The following LRRK1 variants were observed in gnomAD, a reference collection of about 807,000 sequenced individuals.
LRRK1 encodes the protein leucine-rich repeat serine/threonine-protein kinase 1.
LRRK1 carries 113 observed loss-of-function variants against 209.1 expected under a neutral mutation model. That is an observed-to-expected ratio of 0.54 (90% CI 0.46 to 0.63). LRRK1 has a LOEUF of 0.63. LRRK1 is among the 30% of genes least tolerant of loss of function. The pLI is 0.00. For synonymous variants in LRRK1, 1,144 were observed against 1,099.7 expected (o/e 1.04, Z -0.80); for missense variants, 2,284 against 2,632.2 (o/e 0.87, Z 2.89).
intron 4 of LRRK1, among the ~76,000 whole-genome samples, chr15:100,986,376 TAG>T (rs752709250): frequency 3.3e-5 from 5 of 152,208 alleles, no homozygotes; most frequent in Non-Finnish European, 5.9e-5. Context: ...CCTTAGGCTG[TAG>T]AGAGTACCTG....
intron 6 of LRRK1, among the ~76,000 whole-genome samples, chr15:100,997,594 T>C (rs922813831): frequency 1.3e-5 from 2 of 152,170 alleles, no homozygotes; most frequent in African/African-American, 4.8e-5. Context: ...CACACACCTA[T>C]TAAACTAGCA....
At chr15:101,039,002 G>A (rs1055560076) in intron 20 of LRRK1, among the ~76,000 whole-genome samples, 5 of 152,142 alleles carry the variant, frequency 3.3e-5, no homozygotes, top group Admixed American at 3.3e-4. Context: ...AACAATCACA[G>A]TTCTAGGGTT....
At position 101,027,812 on chromosome 15, in the gene LRRK1, G is replaced by T; in HGVS notation, c.2686+15G>T. On this transcript the variant is annotated intron_variant, in intron 19 of 33. Transcript: ENST00000388948. The surrounding 1 kb of genome is among the most constrained non-coding windows in gnomAD (Gnocchi z 5.1). ...CCTGCAGTCAGGTGGGTGGGGCTGG[G>T]GTAGGTGGCAGGGTGCCCGTGAGAA... is the stretch of plus-strand genomic sequence containing the variant. 6.4e-7 allele frequency: 1 copy of T among 1,558,754 alleles called. No homozygotes were observed. The highest frequency in any genetic ancestry group is 8.7e-7 in the Non-Finnish European group (1 of 1,149,722).
At chr15:100,981,388 C>T (rs2031589942) in intron 3 of LRRK1, among the ~76,000 whole-genome samples, 1 of 152,206 alleles carries the variant, frequency 6.6e-6, no homozygotes, top group African/African-American at 2.4e-5. Context: ...TACTGGGCCT[C>T]ACCCTGGGCA....
intron 2 of LRRK1, among the ~76,000 whole-genome samples, chr15:100,960,355 G>A (rs2029874640): frequency 6.8e-6 from 1 of 146,252 alleles, no homozygotes; most frequent in African/African-American, 2.6e-5. Flanking sequence ...GAAGCAACGT[G>A]GCAATGTCAA....
chr15:101,018,447 T>C (rs1029365457), intron 12 of LRRK1, among the ~76,000 whole-genome samples: 1 of 152,116 alleles, frequency 6.6e-6, no homozygotes, highest in African/African-American at 2.4e-5. Context: ...GGCGGGATGA[T>C]GGGTATGAGA....
At chr15:101,051,197 C>T (rs2035412339) in intron 23 of LRRK1, among the ~76,000 whole-genome samples, 1 of 152,250 alleles carries the variant, frequency 6.6e-6, no homozygotes. Context: ...GAGGGTGTTT[C>T]TCTGCACCTC....
Position 100,924,689 on chromosome 15 carries a change from G to T in LRRK1, c.57G>T (p.Glu19Asp). The T allele has an allele frequency of 6.2e-7, 1 of 1,614,192 alleles. No homozygotes were observed. The highest frequency in any genetic ancestry group is 1.7e-4 in the Middle Eastern group (1 of 6,060). ...PSMYWCVGPE[E>D]SAVCPERAME... ...TGTACTGGTGTGTGGGGCCGGAGGA[G>T]TCAGCTGTGTGTCCAGAACGTGCCA... The change falls in exon 2 of 34, where the codon GAG becomes GAT. Residue 19 changes from glutamate to aspartate, a missense_variant. Physicochemically the swap from Glu to Asp is conservative, Grantham distance 45 (BLOSUM62 2). Transcript: ENST00000388948.
intron 19 of LRRK1, 119 bp from the exon 20 acceptor site, chr15:101,028,837 A>G: frequency 1.9e-6 from 2 of 1,071,582 alleles, no homozygotes; most frequent in South Asian, 1.5e-5. Flanking sequence ...CATGTGGGAC[A>G]TGTTGGTTTC....
chr15:101,002,506 A>G (rs1274332231), intron 6 of LRRK1, among the ~76,000 whole-genome samples: 2 of 152,230 alleles, frequency 1.3e-5, no homozygotes, highest in Admixed American at 1.3e-4. Flanking sequence ...GGGTGGGTGG[A>G]GCTTAACCAC....
intron 2 of LRRK1, among the ~76,000 whole-genome samples, chr15:100,934,695 G>A (rs1247800005): frequency 6.6e-6 from 1 of 150,752 alleles, no homozygotes; most frequent in Admixed American, 6.6e-5. Context: ...CCAGCTACTT[G>A]GGGGTGCTGA....
Position 101,008,908 on chromosome 15 carries a change from C to A in LRRK1, c.834C>A (p.Cys278Ter). Reference protein sequence around the residue: ...VDLDWLIDISCQITELDLSAN... With the variant: ...VDLDWLIDIS ...TAGACTGGCTCATAGACATCTCCTG[C>A]CAGATCACGGAGCTCGACCTTTCTG... Residue 278 changes from cysteine (C) to a stop codon, truncating the protein, a stop_gained, in exon 7 of 34, where the codon TGC becomes TGA. Transcript: ENST00000388948. LOFTEE classifies it high-confidence loss of function. 1 of 1,614,184 alleles carries A rather than the reference C, an allele frequency of 6.2e-7. No individual in the cohort carries two copies. Among genetic ancestry groups the A allele is most frequent in the Non-Finnish European group, 8.5e-7 (1 of 1,180,010 alleles).
intron 29 of LRRK1, among the ~76,000 whole-genome samples, chr15:101,059,741 C>G (rs1158563450): frequency 6.6e-6 from 1 of 152,206 alleles, no homozygotes; most frequent in African/African-American, 2.4e-5. Context: ...GGCCTAAAAA[C>G]AAGGACCAAC....
rs1322252508 is a variant in LRRK1 at position 101,076,903 on chromosome 15, A to G, written c.*8055A>G. On this transcript the variant is annotated 3_prime_UTR_variant, in exon 34 of 34. Coordinates refer to ENST00000388948, the MANE Select transcript of LRRK1 (RefSeq NM_024652.6). ...GGTCATTTCTTCCCTTCTGTCAAAC[A>G]TAATTCCTCGGTTTGGCCTTCCCAC... The G allele has an allele frequency of 6.6e-6, 1 of 152,218 alleles. No homozygotes were observed. Among genetic ancestry groups the G allele is most frequent in the African/African-American group, 2.4e-5 (1 of 41,454 alleles). 9.4% of individuals were successfully genotyped at this position (152,218 alleles called of 1,614,324 possible).
In LRRK1 at chr15:101,024,782, G is replaced by T. The variant is rs189083438; in HGVS notation, c.2068-21G>T. 3.8e-6 allele frequency: 6 copies of T among 1,599,550 alleles called. No homozygotes were observed. Among genetic ancestry groups the T allele is most frequent in the East Asian group, 4.5e-5 (2 of 44,484 alleles). ...TTTGTCTCTAAAATGCCTCCCTGTC[G>T]CTGCCTTGTTGCTCAAGTAGGTTGA... On this transcript the variant is annotated intron_variant, in intron 15 of 33. Transcript: ENST00000388948. The surrounding 1 kb of genome is among the most constrained non-coding windows in gnomAD (Gnocchi z 4.6).
intron 20 of LRRK1, among the ~76,000 whole-genome samples, chr15:101,042,224 T>TCC (rs2034796825): frequency 6.6e-6 from 1 of 151,898 alleles, no homozygotes; most frequent in Non-Finnish European, 1.5e-5. Context: ...TTCTCTTTTT[T>TCC]AGACAAGACT....
At chr15:100,954,846 C>A (rs1320023321) in intron 2 of LRRK1, among the ~76,000 whole-genome samples, 1 of 152,136 alleles carries the variant, frequency 6.6e-6, no homozygotes, top group Admixed American at 6.5e-5. Flanking sequence ...GTTTCACTGG[C>A]CTATGTGTCT....
At chr15:100,995,859 A>G (rs2032381205) in intron 6 of LRRK1, among the ~76,000 whole-genome samples, 1 of 152,242 alleles carries the variant, frequency 6.6e-6, no homozygotes, top group South Asian at 2.1e-4. Flanking sequence ...AAAGTCTCTA[A>G]TGATTTCAAA....
chr15:101,023,244 T>C (rs2033878691), intron 15 of LRRK1, among the ~76,000 whole-genome samples: 1 of 152,108 alleles, frequency 6.6e-6, no homozygotes, highest in African/African-American at 2.4e-5. Flanking sequence ...AATCCATCAC[T>C]GCTTGAACCC....
Sources: gnomAD v4.1 joint callset for allele counts (sites outside exome capture counted in the v4.1 genomes callset) on GRCh38, gnomAD v4.1.1 for gene constraint, Gnocchi (gnomAD v3.1) non-coding constraint, MANE v1.5 for transcripts, NCBI Gene and HGNC (gene_info 2026-07-23, HGNC 2026-07-21) for gene names.